GAREM1: variants seen among roughly 807,000 people sequenced by gnomAD.
GAREM1 encodes GRB2 associated regulator of MAPK1 subtype 1, also known as GRB2-associated and regulator of MAPK protein 1.
A neutral mutation model predicts 71.3 loss-of-function variants in GAREM1; 26 were observed. The observed-to-expected ratio is 0.36, with a 90% CI of 0.27 to 0.51. The LOEUF is 0.51. GAREM1 is among the 20% of genes least tolerant of loss of function. The pLI, the probability that GAREM1 is intolerant of heterozygous loss-of-function variation, is 0.95. For missense variants in GAREM1, 1,026 were observed against 1,103.1 expected, an observed-to-expected ratio of 0.93 and a Z score of 0.99; for synonymous variants, 440 against 433.2, an observed-to-expected ratio of 1.02 and a Z score of -0.20.
intron 5 of GAREM1, among the ~76,000 whole-genome samples, 173 bp downstream of exon 5, chr18:32,270,044 G>A (rs16962953): frequency 0.095 from 14,400 of 151,994 alleles, 1,496 homozygotes; most frequent in African/African-American, 0.26. Flanking sequence ...ATTCTAGCTC[G>A]AAACAAACAG....
intron 2 of GAREM1, among the ~76,000 whole-genome samples, chr18:32,377,520 G>T (rs968148363): frequency 1.3e-5 from 2 of 152,282 alleles, no homozygotes; most frequent in Admixed American, 6.5e-5. Flanking sequence ...CATGCTCCAC[G>T]GCTGCCATAT....
intron 2 of GAREM1, among the ~76,000 whole-genome samples, chr18:32,365,188 A>G (rs1473881654): frequency 2.0e-5 from 3 of 152,222 alleles, no homozygotes; most frequent in Non-Finnish European, 4.4e-5. Context: ...GTTCAGAACA[A>G]TAATTTAAAA....
chr18:32,363,212 C>CAA (rs543796545), intron 2 of GAREM1, among the ~76,000 whole-genome samples: 14 of 128,904 alleles, frequency 1.1e-4, no homozygotes, highest in African/African-American at 3.8e-4. Context: ...TGTCTCAAGG[C>CAA]AAAAAAAAAA....
intron 1 of GAREM1, among the ~76,000 whole-genome samples, chr18:32,424,000 G>C (rs1440978036): frequency 6.6e-6 from 1 of 152,102 alleles, no homozygotes; most frequent in African/African-American, 2.4e-5. Flanking sequence ...GCTGGATGTG[G>C]TGGTACATGC....
At chr18:32,360,337 T>C (rs1211618309) in intron 2 of GAREM1, among the ~76,000 whole-genome samples, 1 of 152,176 alleles carries the variant, frequency 6.6e-6, no homozygotes, top group African/African-American at 2.4e-5. Flanking sequence ...TTCTGGTTTG[T>C]GGTTTGTTCC....
Position 32,268,319 on chromosome 18 carries a change from CT to C in GAREM1, c.2182del (p.Arg728GlyfsTer5). The C allele has an allele frequency of 1.2e-6, 2 of 1,614,036 alleles. No individual in the cohort carries two copies. Among genetic ancestry groups the C allele is most frequent in the Non-Finnish European group, 1.7e-6 (2 of 1,179,996 alleles). On this transcript the variant is annotated frameshift_variant, in exon 6 of 6. Coordinates refer to ENST00000269209, the MANE Select transcript of GAREM1 (RefSeq NM_001242409.2). LOFTEE classifies it high-confidence loss of function. ...QSTSCPALPP[R>X]APKLVEEKVA... The stretch of plus-strand genomic sequence containing the variant: ...CTTCTCTTCCACTAGTTTTGGAGCC[CT>C]GGGGGGTAAGGCAGGGCATGACGTA...
intron 5 of GAREM1, among the ~76,000 whole-genome samples, chr18:32,269,795 T>A (rs1228442090): frequency 6.6e-6 from 1 of 152,210 alleles, no homozygotes; most frequent in Non-Finnish European, 1.5e-5. Context: ...AGGGGACTCC[T>A]GTCTGGATGG....
In GAREM1 at chr18:32,393,092, C is replaced by T. The variant is rs945887650; in HGVS notation, c.122-57G>A. The stretch of plus-strand genomic sequence containing the variant: ...GAATTCATAATCTGCTTTCTCCATA[C>T]TTTGCAATAAAATTTCATTAGTTAA... On this transcript the variant is annotated intron_variant, in intron 1 of 5. Coordinates refer to ENST00000269209, the MANE Select transcript of GAREM1 (RefSeq NM_001242409.2). 1.0e-5 allele frequency: 16 copies of T among 1,536,492 alleles called. No homozygotes were observed. In the African/African-American group the frequency reaches 2.1e-4, roughly 20 times the overall value.
intron 3 of GAREM1, among the ~76,000 whole-genome samples, chr18:32,297,728 A>G (rs997895431): frequency 2.0e-5 from 3 of 152,226 alleles, no homozygotes; most frequent in African/African-American, 4.8e-5. Context: ...TTCAAAATAT[A>G]CAATTTTAGA....
At chr18:32,431,777 G>A (rs990726415) in intron 1 of GAREM1, among the ~76,000 whole-genome samples, 1 of 152,014 alleles carries the variant, frequency 6.6e-6, no homozygotes, top group Non-Finnish European at 1.5e-5. Context: ...TGAAACCGGT[G>A]AACACGAGAC....
intron 4 of GAREM1, among the ~76,000 whole-genome samples, chr18:32,275,139 T>G (rs926736686): frequency 6.6e-6 from 1 of 152,156 alleles, no homozygotes; most frequent in East Asian, 1.9e-4. Flanking sequence ...CCACCAACTC[T>G]ACCACCACCC....
At chr18:32,393,955 T>C (rs1265274265) in intron 1 of GAREM1, among the ~76,000 whole-genome samples, 1 of 152,216 alleles carries the variant, frequency 6.6e-6, no homozygotes, top group Admixed American at 6.5e-5. Flanking sequence ...AATTAAGTTA[T>C]TAGTGATTTA....
chr18:32,315,809 T>C (rs1284941659), intron 2 of GAREM1, among the ~76,000 whole-genome samples: 1 of 152,186 alleles, frequency 6.6e-6, no homozygotes, highest in Admixed American at 6.5e-5. Flanking sequence ...AGAATGTTTC[T>C]TCTGATGAAA....
intron 2 of GAREM1, among the ~76,000 whole-genome samples, chr18:32,385,562 A>G (rs2048138752): frequency 6.6e-6 from 1 of 152,156 alleles, no homozygotes; most frequent in South Asian, 2.1e-4. Context: ...AATCTGAAAA[A>G]GTCAAGTCTT....
intron 2 of GAREM1, among the ~76,000 whole-genome samples, chr18:32,374,172 A>C (rs1376460375): frequency 1.3e-5 from 2 of 152,238 alleles, no homozygotes; most frequent in Non-Finnish European, 2.9e-5. Flanking sequence ...ACATTCAAGT[A>C]GATATTAGAA....
intron 1 of GAREM1, among the ~76,000 whole-genome samples, chr18:32,452,643 G>A (rs924536256): frequency 2.0e-5 from 3 of 152,120 alleles, no homozygotes; most frequent in Non-Finnish European, 2.9e-5. Flanking sequence ...TGAACTCCTT[G>A]AGGATGAGTA....
intron 3 of GAREM1, among the ~76,000 whole-genome samples, chr18:32,297,836 G>C (rs1022103571): frequency 7.9e-5 from 12 of 152,158 alleles, no homozygotes; most frequent in African/African-American, 2.9e-4. Flanking sequence ...AATAAAGATG[G>C]AGACAGGGAT....
chr18:32,312,736 G>A (rs1459002544), intron 2 of GAREM1, among the ~76,000 whole-genome samples: 1 of 152,184 alleles, frequency 6.6e-6, no homozygotes, highest in Non-Finnish European at 1.5e-5. Flanking sequence ...ACCAGCAGAG[G>A]GGAACAAGGT....
chr18:32,414,200 A>G (rs1358381985), intron 1 of GAREM1, among the ~76,000 whole-genome samples: 2 of 152,174 alleles, frequency 1.3e-5, no homozygotes, highest in African/African-American at 4.8e-5. Flanking sequence ...CAATGACAAA[A>G]TAAGGGATCA....
Sources: allele counts gnomAD v4.1 joint callset (sites outside exome capture counted in the v4.1 genomes callset), GRCh38; gene constraint gnomAD v4.1.1; transcripts MANE v1.5; gene names NCBI Gene and HGNC (gene_info 2026-07-23, HGNC 2026-07-21).